The following NSD2 variants were observed in gnomAD, a reference collection of about 807,000 sequenced individuals.
NSD2 encodes nuclear receptor binding SET domain protein 2.
In NSD2, 12 loss-of-function variants were observed where a neutral mutation model predicts 139.0. That is an observed-to-expected ratio of 0.09 (90% confidence interval 0.06 to 0.14). The LOEUF is 0.14. Among genes scored for constraint, NSD2 ranks in the 10% least tolerant of loss-of-function variants. NSD2 has a pLI of 1.00. For synonymous variants in NSD2, 669 were observed against 648.7 expected, an observed-to-expected ratio of 1.03 and a Z score of -0.48; for missense variants, 1,155 against 1,745.0, an observed-to-expected ratio of 0.66 and a Z score of 6.02.
intron 5 of NSD2, among the ~76,000 whole-genome samples, chr4:1,926,102 C>A (rs574990040): frequency 6.6e-6 from 1 of 151,298 alleles, no homozygotes; most frequent in Non-Finnish European, 1.5e-5. Context: ...TGCACCTGGC[C>A]GGCTCCAGTA....
In NSD2 at chr4:1,948,637, C is replaced by G. The variant is rs1019386230; in HGVS notation, c.1882-2435C>G. The G allele has an allele frequency of 9.4e-7, 1 of 1,061,290 alleles. No homozygotes were observed. The highest frequency in any genetic ancestry group is 1.1e-6 in the Non-Finnish European group (1 of 875,908). The allele number at this position is 1,061,290 out of a possible 1,614,324, so 65.7% of individuals were successfully genotyped here. On this transcript the variant is annotated intron_variant, in intron 9 of 21. Transcript: ENST00000508803. The surrounding 1 kb of genome is among the most constrained non-coding windows in gnomAD (Gnocchi z 4.5). ...AAGGTCTATATTCTGTATGTGGGTC[C>G]CAGACCCTGATCAGGAAATGAGCCT... is the stretch of plus-strand genomic sequence containing the variant.
intron 18 of NSD2, among the ~76,000 whole-genome samples, chr4:1,970,824 GC>G (rs923630208): frequency 2.6e-5 from 4 of 152,170 alleles, no homozygotes; most frequent in Non-Finnish European, 5.9e-5. Flanking sequence ...CACATAAAGG[GC>G]CGCCAACAGG....
chr4:1,924,088 C>T (rs1720530280), intron 5 of NSD2, among the ~76,000 whole-genome samples: 1 of 152,182 alleles, frequency 6.6e-6, no homozygotes, highest in Non-Finnish European at 1.5e-5. Context: ...TGATACAAAG[C>T]AGGCCAGGCG....
At chr4:1,966,760 A>T (rs1259462494) in intron 18 of NSD2, among the ~76,000 whole-genome samples, 13 of 152,230 alleles carry the variant, frequency 8.5e-5, no homozygotes, top group Admixed American at 5.2e-4. Context: ...TTTCTATATA[A>T]TTTAAGCTAC....
At chr4:1,946,551 A>C (rs1259044829) in intron 9 of NSD2, 1 of 1,016,404 alleles carries the variant, frequency 9.8e-7, no homozygotes, top group East Asian at 6.7e-5. Context: ...TTACAGGCGT[A>C]AGCCACTGCA....
At chr4:1,938,408 T>TTTTC (rs758239297) in intron 7 of NSD2, 43 bp from the exon 8 acceptor site, 9 of 1,208,088 alleles carry the variant, frequency 7.4e-6, no homozygotes, top group Middle Eastern at 3.1e-4. Flanking sequence ...TTTCTTTTTT[T>TTTTC]TTTCTTTCTT....
At chr4:1,954,524 T>G (rs2108954738) in intron 12 of NSD2, 1 of 152,236 alleles carries the variant, frequency 6.6e-6, no homozygotes, top group South Asian at 2.1e-4. Context: ...TAATTTTGTT[T>G]ATTTTTTTGT....
chr4:1,942,005 A>G lies in NSD2; in HGVS notation c.1881+2227A>G. 1 of 1,133,006 alleles carries G rather than the reference A, an allele frequency of 8.8e-7. No individual in the cohort carries two copies. Among genetic ancestry groups the G allele is most frequent in the South Asian group, 3.0e-5 (1 of 33,030 alleles). 70.2% of individuals were successfully genotyped at this position (1,133,006 alleles called of 1,614,324 possible). On this transcript the variant is annotated intron_variant, in intron 9 of 21. Coordinates refer to ENST00000508803, the MANE Select transcript of NSD2 (RefSeq NM_001042424.3). This position sits in a 1 kb window ranked among gnomAD's most constrained non-coding sequence, Gnocchi z 4.0. ...TTGAGGTCCACACTGACACACACCC[A>G]TTGGGTCACACCCCCTTTGCATGTT...
intron 1 of NSD2, chr4:1,893,992 A>T (rs1434158180): frequency 6.6e-6 from 1 of 152,248 alleles, no homozygotes; most frequent in Non-Finnish European, 1.5e-5. Context: ...GTACAGCGGC[A>T]TGCTTATAGG....
intron 5 of NSD2, among the ~76,000 whole-genome samples, chr4:1,925,977 A>AT (rs986109135): frequency 6.6e-6 from 1 of 150,590 alleles, no homozygotes; most frequent in Non-Finnish European, 1.5e-5. Context: ...TAACTTTTCT[A>AT]TTTTTTATAG....
Position 1,886,916 on chromosome 4 carries a change from G to A in NSD2, c.-29-13710G>A, listed in dbSNP as rs147361791. ...ATGTTCAATTCTATCTGTGGAAGAT[G>A]ATGGAAGATTTAGCTTTCTTAACCC... On this transcript the variant is annotated intron_variant, in intron 1 of 21. Coordinates refer to ENST00000508803, the MANE Select transcript of NSD2 (RefSeq NM_001042424.3). Among the ~76,000 whole-genome samples the A allele has an allele frequency of 8.0e-3, 1,219 of 152,254 alleles. 22 individuals are homozygous for A. The highest frequency in any genetic ancestry group is 0.028 in the African/African-American group (1,144 of 41,550).
chr4:1,914,869 G>A (rs970169111), intron 3 of NSD2, among the ~76,000 whole-genome samples: 1 of 152,014 alleles, frequency 6.6e-6, no homozygotes, highest in East Asian at 1.9e-4. Flanking sequence ...ATTTCAGCAG[G>A]GTGTGCCCTG....
intron 18 of NSD2, among the ~76,000 whole-genome samples, chr4:1,971,877 TC>T (rs1243685351): frequency 6.6e-6 from 1 of 152,146 alleles, no homozygotes; most frequent in Non-Finnish European, 1.5e-5. Context: ...GATGAAAACT[TC>T]CCAAGAAACC....
In NSD2 at chr4:1,973,400, G is replaced by A. The variant is rs764264215; in HGVS notation, c.3373-1463G>A. On this transcript the variant is annotated intron_variant, in intron 18 of 21. Coordinates refer to ENST00000508803, the MANE Select transcript of NSD2 (RefSeq NM_001042424.3). The surrounding 1 kb of genome is among the most constrained non-coding windows in gnomAD (Gnocchi z 5.5). ...CATGTGCATGCCCCGTGCTGTCCTCGTCCCCAGGGCCCTGCAGAAGTGGTG... is the reference window on the plus strand; with the variant it reads ...CATGTGCATGCCCCGTGCTGTCCTCATCCCCAGGGCCCTGCAGAAGTGGTG... 2.0e-5 allele frequency among the ~76,000 whole-genome samples: 3 copies of A among 152,168 alleles called. No homozygotes were observed. Among genetic ancestry groups the A allele is most frequent in the Non-Finnish European group, 2.9e-5 (2 of 68,020 alleles).
chr4:1,958,875 C>T lies in NSD2; in HGVS notation c.2986-596C>T, dbSNP rs569162741. ...GCAGTGAAAAGAGTGTCTTTCGCCACCTCTTCCCTAAGATTATGCATTTCT... is the reference window on the plus strand; with the variant it reads ...GCAGTGAAAAGAGTGTCTTTCGCCATCTCTTCCCTAAGATTATGCATTTCT... On this transcript the variant is annotated intron_variant, in intron 16 of 21. Coordinates refer to ENST00000508803, the MANE Select transcript of NSD2 (RefSeq NM_001042424.3). This position sits in a 1 kb window ranked among gnomAD's most constrained non-coding sequence, Gnocchi z 4.6. Among the ~76,000 whole-genome samples, 1 of 152,226 alleles carries T rather than the reference C, an allele frequency of 6.6e-6. No homozygotes were observed. Among genetic ancestry groups the T allele is most frequent in the Non-Finnish European group, 1.5e-5 (1 of 68,042 alleles).
intron 18 of NSD2, among the ~76,000 whole-genome samples, chr4:1,966,650 C>T (rs1725919318): frequency 7.0e-6 from 1 of 142,234 alleles, no homozygotes; most frequent in Admixed American, 7.2e-5. Flanking sequence ...GAGCAAGACT[C>T]TGTCTCAAAA....
intron 18 of NSD2, among the ~76,000 whole-genome samples, chr4:1,967,834 G>T (rs1726045938): frequency 6.6e-6 from 1 of 152,212 alleles, no homozygotes; most frequent in South Asian, 2.1e-4. Flanking sequence ...GCAGCAGGTG[G>T]TTGGATGAGG....
At chr4:1,944,774 T>C (rs745927376) in intron 9 of NSD2, 1 of 1,064,414 alleles carries the variant, frequency 9.4e-7, no homozygotes, top group Non-Finnish European at 1.1e-6. Context: ...CCCCACCTGC[T>C]CTAGATGGAT....
Position 1,883,631 on chromosome 4 carries a change from C to CAAAA in NSD2, c.-30+12104_-30+12107dup, listed in dbSNP as rs558413845. ...GGGTAACAGAGCAAGACTTTGTTTC[C>CAAAA]AAAAAAAAAAAAAAAAAAGCGTACC... On this transcript the variant is annotated intron_variant, in intron 1 of 21. Transcript: ENST00000508803. Among the ~76,000 whole-genome samples, 21 of 74,152 alleles carry CAAAA rather than the reference C, an allele frequency of 2.8e-4. 1 individual carries two copies. Among genetic ancestry groups the CAAAA allele is most frequent in the African/African-American group, 1.0e-3 (21 of 20,940 alleles). 48.6% of individuals were successfully genotyped at this position (74,152 alleles called of 152,430 possible). A position where few individuals can be genotyped will look rare whatever the true frequency, so the allele number is the denominator to read the frequency against.
Sources: gnomAD v4.1 joint callset for allele counts (sites outside exome capture counted in the v4.1 genomes callset) on GRCh38, gnomAD v4.1.1 for gene constraint, Gnocchi (gnomAD v3.1) non-coding constraint, MANE v1.5 for transcripts, NCBI Gene and HGNC (gene_info 2026-07-23, HGNC 2026-07-21) for gene names.